KCND2: variants seen among roughly 807,000 people sequenced by gnomAD.
KCND2 encodes the protein potassium voltage-gated channel subfamily D member 2.
Under a neutral mutation model 54.4 loss-of-function variants are expected in KCND2, and 16 were observed. The observed-to-expected ratio is 0.29, with a 90% CI of 0.20 to 0.45. The LOEUF is 0.45. Among genes scored for constraint, KCND2 ranks in the 20% least tolerant of loss-of-function variants. KCND2 has a pLI of 1.00. For synonymous variants in KCND2, 317 were observed against 310.7 expected (o/e 1.02, Z -0.21); for missense variants, 486 against 824.2 (o/e 0.59, Z 5.02).
chr7:120,733,615 G>C (rs940479798), intron 2 of KCND2, among the ~76,000 whole-genome samples: 1 of 151,924 alleles, frequency 6.6e-6, no homozygotes, highest in Admixed American at 6.6e-5. Flanking sequence ...ATCTATCAAG[G>C]GTCAAACTGG....
At chr7:120,555,222 T>C (rs1210965379) in intron 1 of KCND2, among the ~76,000 whole-genome samples, 1 of 152,164 alleles carries the variant, frequency 6.6e-6, no homozygotes, top group Non-Finnish European at 1.5e-5. Context: ...ACTAAACTCA[T>C]AGAGGATTTG....
At chr7:120,745,622 G>A (rs1792996364) in intron 4 of KCND2, among the ~76,000 whole-genome samples, 158 bp from the exon 5 acceptor site, 1 of 152,118 alleles carries the variant, frequency 6.6e-6, no homozygotes, top group African/African-American at 2.4e-5. Flanking sequence ...CCAAAAAGAA[G>A]TGGTTTTGAT....
At chr7:120,627,320 A>G (rs1422812880) in intron 1 of KCND2, among the ~76,000 whole-genome samples, 1 of 152,208 alleles carries the variant, frequency 6.6e-6, no homozygotes, top group Non-Finnish European at 1.5e-5. Context: ...GAATATGAGA[A>G]TAAACATATG....
chr7:120,280,561 C>T (rs1024004064), intron 1 of KCND2, among the ~76,000 whole-genome samples: 52 of 152,044 alleles, frequency 3.4e-4, no homozygotes, highest in African/African-American at 1.2e-3. Context: ...TCATTTACTT[C>T]TGAACATTCC....
chr7:120,347,071 G>A (rs972664882), intron 1 of KCND2, among the ~76,000 whole-genome samples: 1 of 151,940 alleles, frequency 6.6e-6, no homozygotes, highest in African/African-American at 2.4e-5. Flanking sequence ...TGTAATATGA[G>A]CAACATTTAC....
chr7:120,606,458 C>T (rs369361030), intron 1 of KCND2, among the ~76,000 whole-genome samples: 2 of 152,082 alleles, frequency 1.3e-5, no homozygotes, highest in East Asian at 3.9e-4. Context: ...TTGTTTAATA[C>T]GATATCACAG....
At chr7:120,297,826 A>C (rs1229384250) in intron 1 of KCND2, among the ~76,000 whole-genome samples, 2 of 152,114 alleles carry the variant, frequency 1.3e-5, no homozygotes, top group African/African-American at 2.4e-5. Flanking sequence ...TGTTGAGTAA[A>C]AGTCATTGTA....
At chr7:120,343,222 A>G (rs1388777352) in intron 1 of KCND2, among the ~76,000 whole-genome samples, 1 of 152,178 alleles carries the variant, frequency 6.6e-6, no homozygotes, top group Non-Finnish European at 1.5e-5. Context: ...AATGCAGTCT[A>G]AATATGGGCC....
chr7:120,626,897 C>A (rs1247372909), intron 1 of KCND2, among the ~76,000 whole-genome samples: 1 of 152,164 alleles, frequency 6.6e-6, no homozygotes, highest in Non-Finnish European at 1.5e-5. Context: ...AAAAAAGTCC[C>A]TAAAGAAATC....
chr7:120,310,443 A>G (rs190497139), intron 1 of KCND2, among the ~76,000 whole-genome samples: 21 of 152,280 alleles, frequency 1.4e-4, no homozygotes, highest in African/African-American at 4.8e-4. Context: ...TTTTATTAAG[A>G]TAATTGGCAT....
Position 120,541,883 on chromosome 7 carries a change from A to G in KCND2, c.1116-191020A>G, listed in dbSNP as rs190481603. ...TTCATTTGAAAGTAGTTTATAACCT[A>G]TGTCATATTCAATCTTCTATTCAGC... On this transcript the variant is annotated intron_variant, in intron 1 of 5. Transcript: ENST00000331113. 2.0e-5 allele frequency among the ~76,000 whole-genome samples: 3 copies of G among 152,312 alleles called. No homozygotes were observed. The East Asian group carries it at 5.8e-4, about 29-fold the overall frequency.
chr7:120,671,456 G>C (rs968402930), intron 1 of KCND2, among the ~76,000 whole-genome samples: 1 of 152,028 alleles, frequency 6.6e-6, no homozygotes, highest in Non-Finnish European at 1.5e-5. Context: ...TACGGCCCGG[G>C]AGGTGGGGAC....
chr7:120,510,367 T>A (rs946152983), intron 1 of KCND2, among the ~76,000 whole-genome samples: 1 of 152,086 alleles, frequency 6.6e-6, no homozygotes, highest in African/African-American at 2.4e-5. Flanking sequence ...TATGAAGTAG[T>A]GGAAGGTTTT....
At chr7:120,459,106 C>G (rs1802243455) in intron 1 of KCND2, among the ~76,000 whole-genome samples, 1 of 152,056 alleles carries the variant, frequency 6.6e-6, no homozygotes. Context: ...CCTGCAAACT[C>G]TCCCAGAAAA....
intron 1 of KCND2, 49 bp downstream of exon 1, chr7:120,275,796 G>A: frequency 6.4e-7 from 1 of 1,573,784 alleles, no homozygotes; most frequent in Non-Finnish European, 8.6e-7. Context: ...TGGGTGAGGC[G>A]ATTGTGGACC....
At chr7:120,686,610 G>A (rs1792204814) in intron 1 of KCND2, among the ~76,000 whole-genome samples, 1 of 152,124 alleles carries the variant, frequency 6.6e-6, no homozygotes, top group African/African-American at 2.4e-5. Flanking sequence ...AGCAAAGTGG[G>A]GGACTTGAGA....
intron 1 of KCND2, among the ~76,000 whole-genome samples, chr7:120,322,613 T>C (rs1451213555): frequency 1.8e-4 from 27 of 152,306 alleles, no homozygotes; most frequent in Admixed American, 1.8e-3. Context: ...CAGATTTTTT[T>C]CATTTACAAA....
chr7:120,484,621 G>T (rs1802664016), intron 1 of KCND2, among the ~76,000 whole-genome samples: 1 of 150,394 alleles, frequency 6.6e-6, no homozygotes. Context: ...AGCTTTAGAG[G>T]CTCTTTTCTT....
At chr7:120,448,091 A>G (rs1802044293) in intron 1 of KCND2, among the ~76,000 whole-genome samples, 1 of 152,208 alleles carries the variant, frequency 6.6e-6, no homozygotes, top group African/African-American at 2.4e-5. Flanking sequence ...CAGGTTGGTT[A>G]CATGTGTATA....
Sources: gnomAD v4.1 joint callset for allele counts (sites outside exome capture counted in the v4.1 genomes callset) on GRCh38, gnomAD v4.1.1 for gene constraint, MANE v1.5 for transcripts, NCBI Gene and HGNC (gene_info 2026-07-23, HGNC 2026-07-21) for gene names.